BNC2: variants seen among roughly 807,000 people sequenced by gnomAD.
BNC2 encodes the protein zinc finger protein basonuclin-2.
Under a neutral mutation model 76.3 loss-of-function variants are expected in BNC2, and 20 were observed. That is an observed-to-expected ratio of 0.26 (90% CI 0.18 to 0.38). The LOEUF is 0.38. Among genes scored for constraint, BNC2 ranks in the 10% least tolerant of loss-of-function variants. BNC2 has a pLI of 1.00. For synonymous variants in BNC2, 582 were observed against 514.8 expected, an observed-to-expected ratio of 1.13 and a Z score of -1.77; for missense variants, 1,382 against 1,399.8, an observed-to-expected ratio of 0.99 and a Z score of 0.20.
intron 5 of BNC2, among the ~76,000 whole-genome samples, chr9:16,453,337 A>T (rs140306810): frequency 1.7e-3 from 258 of 152,276 alleles, no homozygotes; most frequent in African/African-American, 6.0e-3. Flanking sequence ...TGAGCCCTCC[A>T]CTGAGATGCT....
At chr9:16,739,391 G>A (rs183552215) in intron 1 of BNC2, among the ~76,000 whole-genome samples, 3 of 152,260 alleles carry the variant, frequency 2.0e-5, no homozygotes, top group African/African-American at 7.2e-5. Context: ...AAAATAGGCC[G>A]GGCATGGTGG....
chr9:16,501,545 T>C (rs535347069), intron 5 of BNC2, among the ~76,000 whole-genome samples: 11 of 152,206 alleles, frequency 7.2e-5, no homozygotes, highest in Admixed American at 2.6e-4. Flanking sequence ...GATGACTTCA[T>C]TAGGGTTGAG....
At chr9:16,707,833 G>A (rs899214776) in intron 3 of BNC2, among the ~76,000 whole-genome samples, 1 of 152,162 alleles carries the variant, frequency 6.6e-6, no homozygotes, top group South Asian at 2.1e-4. Context: ...GGAGAGACAC[G>A]GTTTCACTAT....
At chr9:16,463,848 C>G (rs942089936) in intron 5 of BNC2, among the ~76,000 whole-genome samples, 1 of 151,902 alleles carries the variant, frequency 6.6e-6, no homozygotes, top group Admixed American at 6.6e-5. Context: ...GTAATCCCAG[C>G]ACTTCGGGAG....
chr9:16,812,931 G>A (rs111521712), intron 1 of BNC2, among the ~76,000 whole-genome samples: 4 of 152,196 alleles, frequency 2.6e-5, no homozygotes, highest in Non-Finnish European at 4.4e-5. Flanking sequence ...ATTCCTGGCC[G>A]GGCGCGGTGG....
intron 3 of BNC2, among the ~76,000 whole-genome samples, chr9:16,705,511 A>G (rs1823641517): frequency 6.6e-6 from 1 of 152,060 alleles, no homozygotes; most frequent in Non-Finnish European, 1.5e-5. Context: ...AGAGCCACAC[A>G]CTGCGCAGGC....
At position 16,498,222 on chromosome 9, in the gene BNC2, CAT is replaced by C. The variant is rs201159586; in HGVS notation, c.669+54306_669+54307del. On this transcript the variant is annotated intron_variant, in intron 5 of 6. Transcript: ENST00000380672. ...ATATTCCATCATATATATATTCCAT[CAT>C]ATATATATATTCCATCATATATATA... Among the ~76,000 whole-genome samples, 79 of 90,532 alleles carry C rather than the reference CAT, an allele frequency of 8.7e-4. 2 individuals are homozygous for C. Among genetic ancestry groups the C allele is most frequent in the East Asian group, 2.0e-3 (5 of 2,492 alleles). The allele number at this position is 90,532 out of a possible 152,430, so 59.4% of individuals were successfully genotyped here.
chr9:16,826,820 A>G (rs1818462441), intron 1 of BNC2, among the ~76,000 whole-genome samples: 1 of 152,154 alleles, frequency 6.6e-6, no homozygotes, highest in Admixed American at 6.5e-5. Context: ...TGATGGATGG[A>G]TAGATGGATG....
chr9:16,516,930 T>A (rs541557955), intron 5 of BNC2, among the ~76,000 whole-genome samples: 6 of 152,340 alleles, frequency 3.9e-5, no homozygotes, highest in Non-Finnish European at 8.8e-5. Flanking sequence ...GCAAAAGGCT[T>A]TAAACTGGTC....
chr9:16,575,824 C>G (rs1819468656), intron 4 of BNC2, among the ~76,000 whole-genome samples: 1 of 152,182 alleles, frequency 6.6e-6, no homozygotes, highest in South Asian at 2.1e-4. Context: ...CTCACCAAAA[C>G]TAGGAGGCAG....
intron 1 of BNC2, among the ~76,000 whole-genome samples, chr9:16,741,957 C>CAAAAAAAAAAAA (rs35573018): frequency 2.5e-5 from 2 of 79,392 alleles, no homozygotes; most frequent in East Asian, 3.7e-4. Context: ...GGCTCCATCT[C>CAAAAAAAAAAAA]AAAAAAAAAA....
intron 1 of BNC2, among the ~76,000 whole-genome samples, chr9:16,750,786 CTA>C (rs1374245842): frequency 1.3e-5 from 2 of 152,266 alleles, no homozygotes; most frequent in East Asian, 3.8e-4. Flanking sequence ...TGCTTCACCA[CTA>C]TATTCCTACC....
At chr9:16,496,285 T>C (rs1240449739) in intron 5 of BNC2, among the ~76,000 whole-genome samples, 4 of 152,158 alleles carry the variant, frequency 2.6e-5, no homozygotes, top group African/African-American at 4.8e-5. Context: ...AGAACCCATA[T>C]CTAATGTGGT....
chr9:16,633,226 C>G (rs1427441533), intron 3 of BNC2, among the ~76,000 whole-genome samples: 1 of 152,166 alleles, frequency 6.6e-6, no homozygotes, highest in African/African-American at 2.4e-5. Context: ...AAAAAACTCT[C>G]TATTTACTGA....
chr9:16,502,568 C>T (rs10962460), intron 5 of BNC2, among the ~76,000 whole-genome samples: 3,644 of 151,970 alleles, frequency 0.024, 141 homozygotes, highest in African/African-American at 0.083. Flanking sequence ...CCTCTTACTT[C>T]TTCTTGGGGT....
At chr9:16,809,576 G>A (rs1817995905) in intron 1 of BNC2, among the ~76,000 whole-genome samples, 2 of 152,084 alleles carry the variant, frequency 1.3e-5, no homozygotes, top group Admixed American at 1.3e-4. Context: ...TCAATGCACA[G>A]CAATTCAGGA....
chr9:16,866,340 A>G (rs1403569901), intron 1 of BNC2, among the ~76,000 whole-genome samples: 3 of 152,148 alleles, frequency 2.0e-5, no homozygotes, highest in Non-Finnish European at 4.4e-5. Flanking sequence ...TCTGGAATAC[A>G]GAAGTTGTAT....
At chr9:16,771,596 T>C (rs7037653) in intron 1 of BNC2, among the ~76,000 whole-genome samples, 138,969 of 152,290 alleles carry the variant, frequency 0.91, 63,421 homozygotes, top group East Asian at 0.99. Context: ...AAGACGTTTA[T>C]AGATTTTAAA....
chr9:16,849,709 GGAA>G (rs1335498703), intron 1 of BNC2, among the ~76,000 whole-genome samples: 1 of 151,936 alleles, frequency 6.6e-6, no homozygotes, highest in Non-Finnish European at 1.5e-5. Flanking sequence ...TATACAAATT[GGAA>G]GAAGTTCAAC....
Sources: allele counts gnomAD v4.1 joint callset (sites outside exome capture counted in the v4.1 genomes callset), GRCh38; gene constraint gnomAD v4.1.1; transcripts MANE v1.5; gene names NCBI Gene and HGNC (gene_info 2026-07-23, HGNC 2026-07-21).